Variants in ZNRF3 observed in about 807,000 individuals in gnomAD.
ZNRF3 encodes the protein E3 ubiquitin-protein ligase ZNRF3.
In ZNRF3, 23 loss-of-function variants were observed where a neutral mutation model predicts 72.5. The ratio of observed to expected loss-of-function variants is 0.32; its 90% CI spans 0.23 to 0.45. The LOEUF is 0.45. ZNRF3 is among the 20% of genes least tolerant of loss of function. ZNRF3 has a pLI of 1.00. For missense variants in ZNRF3, 1,169 were observed against 1,272.1 expected (o/e 0.92, Z 1.23); for synonymous variants, 610 against 545.3 (o/e 1.12, Z -1.65).
intron 1 of ZNRF3, among the ~76,000 whole-genome samples, chr22:28,895,110 C>G (rs1413158926): frequency 3.9e-5 from 6 of 152,176 alleles, no homozygotes; most frequent in Non-Finnish European, 8.8e-5. Flanking sequence ...AAGCTTTTAA[C>G]TTGTGCTTGG....
At chr22:28,937,215 A>ATATATTTT (rs1384534826) in intron 1 of ZNRF3, among the ~76,000 whole-genome samples, 1 of 8,852 alleles carries the variant, frequency 1.1e-4, no homozygotes, top group African/African-American at 2.7e-4. Context: ...ATATATATAT[A>ATATATTTT]TTTTTTTTTT....
Position 28,941,524 on chromosome 22 carries a change from G to A in ZNRF3, c.301-45552G>A, listed in dbSNP as rs186313023. ...GAGGACAAATATAGATAAAATCTTG[G>A]CCTATTGAAGAGCCAGTAAAATGTT... On this transcript the variant is annotated intron_variant, in intron 1 of 8. Transcript: ENST00000544604. Among the ~76,000 whole-genome samples the A allele has an allele frequency of 2.0e-3, 303 of 151,938 alleles. 2 individuals are homozygous for A. The highest frequency in any genetic ancestry group is 6.9e-3 in the African/African-American group (285 of 41,438).
intron 1 of ZNRF3, among the ~76,000 whole-genome samples, chr22:28,945,670 C>A (rs1241612592): frequency 6.6e-6 from 1 of 151,988 alleles, no homozygotes; most frequent in Non-Finnish European, 1.5e-5. Context: ...GCTGAGACTA[C>A]AGGGGGGCAC....
Position 28,893,814 on chromosome 22 carries a change from A to G in ZNRF3, c.300+9748A>G, listed in dbSNP as rs889546446. On this transcript the variant is annotated intron_variant, in intron 1 of 8. Transcript: ENST00000544604. ...TGCCCGGCCTGCCTTGGTTATTTTC[A>G]TAAGATTTCTAGAATTAGGTTCACT... 2.6e-5 allele frequency among the ~76,000 whole-genome samples: 4 copies of G among 151,566 alleles called. No homozygotes were observed. In the South Asian group the frequency reaches 8.4e-4, roughly 32 times the overall value.
At chr22:28,933,772 T>TCTCTCC (rs2034767184) in intron 1 of ZNRF3, among the ~76,000 whole-genome samples, 1 of 111,906 alleles carries the variant, frequency 8.9e-6, no homozygotes, top group African/African-American at 3.4e-5. Context: ...TCTCTCTCTC[T>TCTCTCC]CTCTCTCCCC....
At chr22:28,937,323 T>A (rs2034857640) in intron 1 of ZNRF3, among the ~76,000 whole-genome samples, 1 of 150,518 alleles carries the variant, frequency 6.6e-6, no homozygotes, top group African/African-American at 2.5e-5. Flanking sequence ...CCATGGAAGC[T>A]GGCTTTAGTG....
chr22:29,031,252 T>C (rs1392361667), intron 2 of ZNRF3: 1 of 152,242 alleles, frequency 6.6e-6, no homozygotes, highest in African/African-American at 2.4e-5. Context: ...TCCTCCACCC[T>C]CCTCATCCCC....
intron 1 of ZNRF3, among the ~76,000 whole-genome samples, chr22:28,966,867 C>CTTTTTTTTTTTTTT (rs530036984): frequency 1.6e-4 from 16 of 102,434 alleles, no homozygotes; most frequent in African/African-American, 6.0e-4. Context: ...TTTTAAAAAT[C>CTTTTTTTTTTTTTT]TTTTTTTTTT....
At chr22:28,931,513 T>C (rs909225865) in intron 1 of ZNRF3, among the ~76,000 whole-genome samples, 2 of 152,220 alleles carry the variant, frequency 1.3e-5, no homozygotes, top group African/African-American at 4.8e-5. Context: ...CCTGGGATTA[T>C]TGGCCTAAGT....
intron 2 of ZNRF3, among the ~76,000 whole-genome samples, chr22:29,017,100 A>G (rs1479750108): frequency 6.6e-6 from 1 of 152,194 alleles, no homozygotes. Flanking sequence ...GAGCTCTGTC[A>G]GTTTTATGAA....
intron 1 of ZNRF3, among the ~76,000 whole-genome samples, chr22:28,934,495 A>T (rs2034784030): frequency 6.6e-6 from 1 of 152,214 alleles, no homozygotes; most frequent in Non-Finnish European, 1.5e-5. Flanking sequence ...GCAAGAAGAC[A>T]TACTCATTAA....
Position 28,964,292 on chromosome 22 carries a change from G to A in ZNRF3, c.301-22784G>A, listed in dbSNP as rs189780084. Among the ~76,000 whole-genome samples, 242 of 152,318 alleles carry A rather than the reference G, an allele frequency of 1.6e-3. 1 individual carries two copies. The highest frequency in any genetic ancestry group is 0.014 in the Middle Eastern group (4 of 294). The stretch of plus-strand genomic sequence containing the variant: ...AAAGACACAAAAAAGTATATTCAGT[G>A]TGGGTCTCTATCCTCAAAGGTCTTC... On this transcript the variant is annotated intron_variant, in intron 1 of 8. Transcript: ENST00000544604.
At chr22:28,898,926 GTTTTTTTTT>G (rs34713478) in intron 1 of ZNRF3, among the ~76,000 whole-genome samples, 1 of 114,066 alleles carries the variant, frequency 8.8e-6, no homozygotes, top group Admixed American at 9.2e-5. Context: ...ACATGCTGAG[GTTTTTTTTT>G]TTTTTTTTTT....
intron 5 of ZNRF3, among the ~76,000 whole-genome samples, chr22:29,045,362 C>CAAAAA (rs59285656): frequency 7.2e-5 from 7 of 97,576 alleles, no homozygotes; most frequent in African/African-American, 2.4e-4. Flanking sequence ...CCCTGTCTCA[C>CAAAAA]AAAAAAAAAA....
At chr22:28,950,321 A>G (rs1451464814) in intron 1 of ZNRF3, among the ~76,000 whole-genome samples, 1 of 152,242 alleles carries the variant, frequency 6.6e-6, no homozygotes, top group Non-Finnish European at 1.5e-5. Context: ...GCTAGACAGC[A>G]TTTAATGGAA....
At chr22:28,984,108 G>T (rs5762932) in intron 1 of ZNRF3, among the ~76,000 whole-genome samples, 1 of 150,560 alleles carries the variant, frequency 6.6e-6, no homozygotes, top group Non-Finnish European at 1.5e-5. Context: ...AAGCTCTTAG[G>T]ACAGTTGCTT....
intron 1 of ZNRF3, among the ~76,000 whole-genome samples, chr22:28,949,767 C>T (rs952573764): frequency 2.0e-5 from 3 of 152,176 alleles, no homozygotes; most frequent in Non-Finnish European, 4.4e-5. Flanking sequence ...GAGAAAATGC[C>T]TGCCCTGCAC....
intron 1 of ZNRF3, among the ~76,000 whole-genome samples, chr22:28,978,503 G>A (rs1260909166): frequency 6.6e-6 from 1 of 152,084 alleles, no homozygotes; most frequent in African/African-American, 2.4e-5. Context: ...GGGCCTGTGG[G>A]GTCTCTCTTG....
In ZNRF3 at chr22:29,050,143, G is replaced by C. The variant is rs548681605; in HGVS notation, c.1962G>C (p.Ser654=). The C allele has an allele frequency of 3.1e-6, 5 of 1,605,094 alleles. No homozygotes were observed. Among genetic ancestry groups the C allele is most frequent in the Admixed American group, 1.7e-5 (1 of 60,018 alleles). The change falls in exon 8 of 9, where the codon TCG becomes TCC. Residue 654 remains serine, a synonymous_variant. Coordinates refer to ENST00000544604, the MANE Select transcript of ZNRF3 (RefSeq NM_001206998.2). ...CTTGGCCGGGCCCTGCCTCTCCCTC[G>C]GGGGATCAGGTGTCCACCTGCAGCC... ...GEPWPGPASP[S]GDQVSTCSLE...
Sources: allele counts gnomAD v4.1 joint callset (sites outside exome capture counted in the v4.1 genomes callset), GRCh38; gene constraint gnomAD v4.1.1; transcripts MANE v1.5; gene names NCBI Gene and HGNC (gene_info 2026-07-23, HGNC 2026-07-21).